CHST11: variants seen among roughly 807,000 people sequenced by gnomAD.
CHST11 encodes the protein carbohydrate sulfotransferase 11, also known as C4S-1.
Under a neutral mutation model 30.4 loss-of-function variants are expected in CHST11, and 9 were observed. The ratio of observed to expected loss-of-function variants is 0.30; its 90% confidence interval spans 0.18 to 0.52. The LOEUF is 0.52. Ranked by LOEUF, CHST11 falls within the 20% of genes least tolerant of loss-of-function variation. The pLI is 0.97. For synonymous variants in CHST11, 152 were observed against 187.8 expected (o/e 0.81, Z 1.56); for missense variants, 348 against 460.6 (o/e 0.76, Z 2.24).
At position 104,579,850 on chromosome 12, in the gene CHST11, C is replaced by CT. The variant is rs1434428157; in HGVS notation, c.119-22055dup. Among the ~76,000 whole-genome samples the CT allele has an allele frequency of 7.2e-5, 11 of 152,296 alleles. No homozygotes were observed. In the East Asian group the frequency reaches 2.1e-3, roughly 29 times the overall value. On this transcript the variant is annotated intron_variant, in intron 1 of 2. Transcript: ENST00000303694. Reference sequence around the variant, plus strand: ...GTAATTGGAGATAAAAGCTAAATGTCTAAGGTCTAGCAGTATCAAGATGAC... The same window carrying CT: ...GTAATTGGAGATAAAAGCTAAATGTCTTAAGGTCTAGCAGTATCAAGATGAC...
At chr12:104,471,149 C>T (rs528667219) in intron 1 of CHST11, among the ~76,000 whole-genome samples, 2 of 152,172 alleles carry the variant, frequency 1.3e-5, no homozygotes, top group Non-Finnish European at 2.9e-5. Flanking sequence ...GATAGATGTC[C>T]TTCCTGTCAT....
chr12:104,558,026 C>T (rs2038474407), intron 1 of CHST11, among the ~76,000 whole-genome samples: 2 of 152,150 alleles, frequency 1.3e-5, no homozygotes, highest in Non-Finnish European at 2.9e-5. Context: ...AGGACCAGCT[C>T]TGCTGTGCGG....
At chr12:104,579,531 G>A (rs1297022824) in intron 1 of CHST11, among the ~76,000 whole-genome samples, 2 of 152,172 alleles carry the variant, frequency 1.3e-5, no homozygotes, top group Non-Finnish European at 2.9e-5. Flanking sequence ...CAATGAAACA[G>A]GCATTCGTTA....
At chr12:104,720,005 G>T (rs964551386) in intron 2 of CHST11, among the ~76,000 whole-genome samples, 2 of 152,250 alleles carry the variant, frequency 1.3e-5, no homozygotes, top group African/African-American at 4.8e-5. Flanking sequence ...CCAGACTAAC[G>T]CTGGTGTCCA....
chr12:104,755,099 T>C (rs975541616), intron 2 of CHST11, among the ~76,000 whole-genome samples: 1 of 152,180 alleles, frequency 6.6e-6, no homozygotes, highest in South Asian at 2.1e-4. Context: ...AGCAAACTCA[T>C]CAGTGGCCCT....
intron 1 of CHST11, among the ~76,000 whole-genome samples, chr12:104,516,604 A>G (rs889578428): frequency 1.4e-4 from 22 of 151,864 alleles, no homozygotes; most frequent in African/African-American, 5.3e-4. Context: ...CCAGGAGGGG[A>G]GACATACAGA....
At chr12:104,539,744 T>C (rs775813132) in intron 1 of CHST11, among the ~76,000 whole-genome samples, 5 of 152,224 alleles carry the variant, frequency 3.3e-5, no homozygotes, top group Non-Finnish European at 4.4e-5. Context: ...AATACAGTCG[T>C]CCTTTGGTAT....
intron 2 of CHST11, among the ~76,000 whole-genome samples, chr12:104,671,526 A>T (rs1017511472): frequency 7.2e-5 from 11 of 152,150 alleles, no homozygotes; most frequent in Non-Finnish European, 5.9e-5. Context: ...CTGCACTGTG[A>T]TCGGTCTAGG....
intron 1 of CHST11, among the ~76,000 whole-genome samples, chr12:104,573,233 T>C (rs1844339293): frequency 6.6e-6 from 1 of 152,030 alleles, no homozygotes; most frequent in Non-Finnish European, 1.5e-5. Context: ...TGGAAGAACA[T>C]TCCATGCTCA....
chr12:104,561,181 G>A (rs1017283567), intron 1 of CHST11, among the ~76,000 whole-genome samples: 2 of 79,976 alleles, frequency 2.5e-5, no homozygotes, highest in Middle Eastern at 4.9e-3. Context: ...CAACCAGATA[G>A]CAATGGCTTT....
Position 104,494,761 on chromosome 12 carries a change from GTGTTT to G in CHST11, c.118+37241_118+37245del, listed in dbSNP as rs544141586. Among the ~76,000 whole-genome samples, 174 of 152,238 alleles carry G rather than the reference GTGTTT, an allele frequency of 1.1e-3. 2 individuals carry two copies. The highest frequency in any genetic ancestry group is 4.0e-3 in the African/African-American group (165 of 41,530). On this transcript the variant is annotated intron_variant, in intron 1 of 2. Coordinates refer to ENST00000303694, the MANE Select transcript of CHST11 (RefSeq NM_018413.6). ...TTGTAAAACACTTAAACAATTCAGG[GTGTTT>G]TGTTTTGTGGGTAGATTTTTAAAAA... is the stretch of plus-strand genomic sequence containing the variant.
intron 2 of CHST11, among the ~76,000 whole-genome samples, chr12:104,648,088 T>C (rs1158085711): frequency 6.6e-6 from 1 of 152,246 alleles, no homozygotes; most frequent in Non-Finnish European, 1.5e-5. Context: ...TGAGAGCATG[T>C]GTACATAAGG....
intron 2 of CHST11, among the ~76,000 whole-genome samples, chr12:104,621,485 G>A (rs919705421): frequency 6.6e-6 from 1 of 152,244 alleles, no homozygotes; most frequent in African/African-American, 2.4e-5. Context: ...CTTTGCAAAG[G>A]CAGTTTAAGT....
At chr12:104,750,428 CTTT>C (rs10659007) in intron 2 of CHST11, among the ~76,000 whole-genome samples, 93 of 48,776 alleles carry the variant, frequency 1.9e-3, no homozygotes, top group African/African-American at 6.9e-3. Flanking sequence ...TATTTCTGCA[CTTT>C]TTTTTTTTTT....
intron 2 of CHST11, among the ~76,000 whole-genome samples, chr12:104,629,133 C>G (rs2039247306): frequency 6.6e-6 from 1 of 152,204 alleles, no homozygotes; most frequent in Non-Finnish European, 1.5e-5. Context: ...ATCAGGCTGC[C>G]TGCATTTGTA....
chr12:104,516,117 C>G (rs1005911147), intron 1 of CHST11, among the ~76,000 whole-genome samples: 9 of 152,156 alleles, frequency 5.9e-5, no homozygotes, highest in African/African-American at 2.2e-4. Flanking sequence ...TAGGGCTGAA[C>G]AAAATCTTTG....
intron 2 of CHST11, among the ~76,000 whole-genome samples, chr12:104,678,122 G>T (rs376510055): frequency 1.3e-5 from 2 of 152,120 alleles, no homozygotes; most frequent in Non-Finnish European, 2.9e-5. Flanking sequence ...AATTTGTCTG[G>T]TGTCTCTCTC....
chr12:104,724,648 G>T (rs1232129758), intron 2 of CHST11, among the ~76,000 whole-genome samples: 1 of 152,022 alleles, frequency 6.6e-6, no homozygotes, highest in Non-Finnish European at 1.5e-5. Flanking sequence ...CTCACCGTGG[G>T]CTTTCTGGGC....
chr12:104,682,362 C>T (rs181047880), intron 2 of CHST11, among the ~76,000 whole-genome samples: 1 of 152,164 alleles, frequency 6.6e-6, no homozygotes, highest in Non-Finnish European at 1.5e-5. Context: ...TCTGGCCAAC[C>T]GCCACAAACT....
Sources: allele counts gnomAD v4.1 joint callset (sites outside exome capture counted in the v4.1 genomes callset), GRCh38; gene constraint gnomAD v4.1.1; transcripts MANE v1.5; gene names NCBI Gene and HGNC (gene_info 2026-07-23, HGNC 2026-07-21).